PCIF1: variants seen among roughly 807,000 people sequenced by gnomAD.
PCIF1 encodes phosphorylated CTD interacting factor 1, also known as mRNA (2'-O-methyladenosine-N(6)-)-methyltransferase.
PCIF1 carries 12 observed loss-of-function variants against 86.9 expected under a neutral mutation model. The ratio of observed to expected loss-of-function variants is 0.14; its 90% confidence interval spans 0.09 to 0.22. The LOEUF is 0.22. PCIF1 is among the 10% of genes least tolerant of loss of function. The pLI, the probability that PCIF1 is intolerant of heterozygous loss-of-function variation, is 1.00. For synonymous variants in PCIF1, 397 were observed against 372.0 expected (o/e 1.07, Z -0.77); for missense variants, 701 against 951.1 (o/e 0.74, Z 3.46).
chr20:45,945,820 C>T lies in PCIF1; in HGVS notation c.1278C>T (p.Asn426=), dbSNP rs41450546. ...MPSVEMHMEN[N]VVCIRYKGEM... is the part of the protein sequence containing the mutation. ...GCGTGGAGATGCACATGGAGAACAA[C>T]GTGGTCTGCATCCGGTATAAGGGAG... The change falls in exon 12 of 17, where the codon AAC becomes AAT. Residue 426 remains asparagine (N), a synonymous_variant. Transcript: ENST00000372409. 2.1e-3 allele frequency: 3,411 copies of T among 1,613,828 alleles called. 56 individuals are homozygous for T. The African/African-American group carries it at 0.039, about 19-fold the overall frequency.
chr20:45,939,418 C>G, intron 4 of PCIF1, 79 bp downstream of exon 4: 2 of 1,584,660 alleles, frequency 1.3e-6, no homozygotes, highest in Admixed American at 3.4e-5. Flanking sequence ...CCTGAGCAGC[C>G]GTTCAGTGCC....
chr20:45,947,997 A>C lies in PCIF1; in HGVS notation c.*242A>C. ...TGTTGCCACCTTGTTTCATTTGTAAAAGGAAATACAGAAACCCCCCCAAGA... is the reference window on the plus strand; with the variant it reads ...TGTTGCCACCTTGTTTCATTTGTAACAGGAAATACAGAAACCCCCCCAAGA... On this transcript the variant is annotated 3_prime_UTR_variant, in exon 17 of 17. Transcript: ENST00000372409. This position sits in a 1 kb window ranked among gnomAD's most constrained non-coding sequence, Gnocchi z 5.4. 1 of 1,506,854 alleles carries C rather than the reference A, an allele frequency of 6.6e-7. No individual in the cohort carries two copies. The highest frequency in any genetic ancestry group is 8.9e-7 in the Non-Finnish European group (1 of 1,125,484). 93.3% of individuals were successfully genotyped at this position (1,506,854 alleles called of 1,614,324 possible).
intron 12 of PCIF1, 72 bp downstream of exon 12, chr20:45,945,955 C>T: frequency 6.2e-7 from 1 of 1,612,642 alleles, no homozygotes; most frequent in Non-Finnish European, 8.5e-7. Flanking sequence ...TGAGCAGAGT[C>T]CCCAGCAGGA....
At chr20:45,946,990 T>TG in intron 14 of PCIF1, 83 bp from the exon 15 acceptor site, 1 of 1,161,852 alleles carries the variant, frequency 8.6e-7, no homozygotes. Context: ...TCAGTGTGGC[T>TG]GCCTAGGGTT....
chr20:45,944,776 C>A, intron 10 of PCIF1, 92 bp from the exon 11 acceptor site: 1 of 1,402,874 alleles, frequency 7.1e-7, no homozygotes, highest in Non-Finnish European at 9.6e-7. Flanking sequence ...AAAACAAGGA[C>A]TGCTGGACTC....
chr20:45,947,693 G>A lies in PCIF1; in HGVS notation c.2053G>A (p.Glu685Lys). 1 of 1,609,488 alleles carries A rather than the reference G, an allele frequency of 6.2e-7. No individual in the cohort carries two copies. The highest frequency in any genetic ancestry group is 8.5e-7 in the Non-Finnish European group (1 of 1,177,754). The change falls in exon 17 of 17, where the codon GAG becomes AAG. Residue 685 changes from glutamate (E) to lysine (K), a missense_variant. Around this residue, in one of 7 missense-constraint regions of PCIF1, gnomAD observed 174 missense variants for 206.9 expected, o/e 0.84. Transcript: ENST00000372409. The surrounding 1 kb of genome is among the most constrained non-coding windows in gnomAD (Gnocchi z 5.4). ...SSGSSSSSSS[E>K]AKDRDSGREQ... ...TGGTTCTTCCTCATCGTCCTCCTCG[G>A]AGGCCAAGGACCGGGACTCGGGCCG...
At position 45,947,199 on chromosome 20, in the gene PCIF1, C is replaced by T. The variant is rs778527026; in HGVS notation, c.1707+33C>T. The T allele has an allele frequency of 4.4e-6, 7 of 1,602,034 alleles. No homozygotes were observed. The South Asian group carries it at 5.5e-5, about 13-fold the overall frequency. ...CACTGCCAGGGTGAGAGGTGGGCAACAGGCAGGATTGCCAGCCACCTGGGA... is the reference window on the plus strand; with the variant it reads ...CACTGCCAGGGTGAGAGGTGGGCAATAGGCAGGATTGCCAGCCACCTGGGA... On this transcript the variant is annotated intron_variant, in intron 15 of 16. Transcript: ENST00000372409. This position sits in a 1 kb window ranked among gnomAD's most constrained non-coding sequence, Gnocchi z 5.4.
At chr20:45,945,324 C>CATG (rs1365849695) in intron 11 of PCIF1, among the ~76,000 whole-genome samples, 1 of 152,224 alleles carries the variant, frequency 6.6e-6, no homozygotes, top group African/African-American at 2.4e-5. Flanking sequence ...TGTGTGAGTA[C>CATG]TCATAGGTAA....
intron 5 of PCIF1, 50 bp downstream of exon 5, chr20:45,940,662 G>C: frequency 6.3e-7 from 1 of 1,577,664 alleles, no homozygotes; most frequent in Non-Finnish European, 8.6e-7. Context: ...GCTCAGACGG[G>C]CCGCCTGCAG....
intron 7 of PCIF1, among the ~76,000 whole-genome samples, chr20:45,941,844 C>A (rs1355458346): frequency 2.6e-5 from 4 of 151,978 alleles, no homozygotes; most frequent in Non-Finnish European, 5.9e-5. Flanking sequence ...GCCTTGGCCT[C>A]CCACAGTGCT....
chr20:45,936,054 A>G (rs771920496), intron 1 of PCIF1, among the ~76,000 whole-genome samples: 4 of 152,242 alleles, frequency 2.6e-5, no homozygotes, highest in African/African-American at 4.8e-5. Flanking sequence ...TTTTTGCAAG[A>G]CATTATTCAG....
Position 45,943,806 on chromosome 20 carries a change from T to G in PCIF1, c.1005+41T>G. On this transcript the variant is annotated intron_variant, in intron 10 of 16. Coordinates refer to ENST00000372409, the MANE Select transcript of PCIF1 (RefSeq NM_022104.4). This position sits in a 1 kb window ranked among gnomAD's most constrained non-coding sequence, Gnocchi z 5.5. ...GGTGAGAAGGCCAGTTTTAGGGCTC[T>G]GTGGCCACTTCCTCCAGGAAGCCTA... 6.7e-7 allele frequency: 1 copy of G among 1,496,496 alleles called. No homozygotes were observed. Among genetic ancestry groups the G allele is most frequent in the Non-Finnish European group, 9.1e-7 (1 of 1,099,758 alleles). The allele number at this position is 1,496,496 out of a possible 1,614,324, so 92.7% of individuals were successfully genotyped here.
intron 7 of PCIF1, among the ~76,000 whole-genome samples, chr20:45,941,673 T>C (rs1211447879): frequency 6.6e-6 from 1 of 152,098 alleles, no homozygotes; most frequent in African/African-American, 2.4e-5. Flanking sequence ...TTGGCCAGGC[T>C]GGTCCTGAAC....
chr20:45,939,192 C>G, intron 3 of PCIF1, 23 bp from the exon 4 acceptor site: 1 of 1,614,006 alleles, frequency 6.2e-7, no homozygotes, highest in Non-Finnish European at 8.5e-7. Context: ...CTGACCCTGG[C>G]TGGGCTCCGT....
In PCIF1 at chr20:45,947,781, C is replaced by T. The variant is rs1452201085; in HGVS notation, c.*26C>T. On this transcript the variant is annotated 3_prime_UTR_variant, in exon 17 of 17. Coordinates refer to ENST00000372409, the MANE Select transcript of PCIF1 (RefSeq NM_022104.4). This position sits in a 1 kb window ranked among gnomAD's most constrained non-coding sequence, Gnocchi z 5.4. ...CATATCCTGCGGGGAGGAGGAGCCC[C>T]AGGGGTGCTAGTCTGGACTGCTGGG... is the stretch of plus-strand genomic sequence containing the variant. 1 of 1,587,424 alleles carries T rather than the reference C, an allele frequency of 6.3e-7. No homozygotes were observed. The highest frequency in any genetic ancestry group is 1.4e-5 in the African/African-American group (1 of 74,060).
chr20:45,940,713 G>A, intron 5 of PCIF1, 96 bp from the exon 6 acceptor site: 4 of 1,567,672 alleles, frequency 2.6e-6, no homozygotes, highest in Non-Finnish European at 2.6e-6. Flanking sequence ...CAGCCAGGAG[G>A]GGGGCCTGGG....
rs1209739659 is a variant in PCIF1, at chr20:45,938,993, T to C, written c.-7T>C. On this transcript the variant is annotated 5_prime_UTR_variant, in exon 3 of 17. Transcript: ENST00000372409. Reference sequence around the variant, plus strand: ...CTCTGTGTGGCAGGTCCTGTGTGGGTGTGGAGATGGCCAATGAGAATCACG... The same window carrying C: ...CTCTGTGTGGCAGGTCCTGTGTGGGCGTGGAGATGGCCAATGAGAATCACG... 2 of 1,613,086 alleles carry C rather than the reference T, an allele frequency of 1.2e-6. No individual in the cohort carries two copies. Among genetic ancestry groups the C allele is most frequent in the Non-Finnish European group, 1.7e-6 (2 of 1,179,622 alleles).
rs760479692 is a variant in PCIF1 at position 45,943,173 on chromosome 20, G to C, written c.750G>C (p.Leu250=). ...TGGTAGACAAAGGATCTGACCCCCT[G>C]TTGCCCAGCAACTGTGAACCAGTCG... ...RKVVDKGSDP[L]LPSNCEPVVS... The change falls in exon 8 of 17, where the codon CTG becomes CTC. Residue 250 remains leucine (L), a synonymous_variant. Coordinates refer to ENST00000372409, the MANE Select transcript of PCIF1 (RefSeq NM_022104.4). The surrounding 1 kb of genome is among the most constrained non-coding windows in gnomAD (Gnocchi z 5.5). 1.2e-6 allele frequency: 2 copies of C among 1,613,982 alleles called. No homozygotes were observed. Among genetic ancestry groups the C allele is most frequent in the South Asian group, 1.1e-5 (1 of 91,090 alleles).
chr20:45,940,681 C>T, intron 5 of PCIF1, 69 bp downstream of exon 5: 1 of 1,576,998 alleles, frequency 6.3e-7, no homozygotes, highest in Non-Finnish European at 8.6e-7. Context: ...AGGCTCCCTG[C>T]AGGGGCTGGG....
Sources: gnomAD v4.1 joint callset for allele counts (sites outside exome capture counted in the v4.1 genomes callset) on GRCh38, gnomAD v4.1.1 for gene constraint, gnomAD v4.1.1 regional missense constraint, Gnocchi (gnomAD v3.1) non-coding constraint, MANE v1.5 for transcripts, NCBI Gene and HGNC (gene_info 2026-07-23, HGNC 2026-07-21) for gene names.